Variants in CFAP58 observed in about 807,000 individuals in gnomAD.
CFAP58 encodes cilia and flagella associated protein 58.
In CFAP58, 88 loss-of-function variants were observed where a neutral mutation model predicts 119.5. The ratio of observed to expected loss-of-function variants is 0.74; its 90% confidence interval spans 0.62 to 0.88. The LOEUF is 0.88. Among genes scored for constraint, CFAP58 ranks in the 40% least tolerant of loss-of-function variants. The pLI, the probability that CFAP58 is intolerant of heterozygous loss-of-function variation, is 0.00. For missense variants in CFAP58, 990 were observed against 1,021.2 expected (o/e 0.97, Z 0.42); for synonymous variants, 365 against 366.3 (o/e 1.00, Z 0.04).
the CFAP58 span, among the ~76,000 whole-genome samples, chr10:104,348,115 T>C: frequency 6.6e-6 from 1 of 152,052 alleles, no homozygotes; most frequent in African/African-American, 2.4e-5. Flanking sequence ...GTATGTAGGG[T>C]GGCCTAGAGC....
intron 15 of CFAP58, among the ~76,000 whole-genome samples, chr10:104,407,739 C>G (rs2012387938): frequency 6.6e-6 from 1 of 152,122 alleles, no homozygotes; most frequent in Non-Finnish European, 1.5e-5. Context: ...CTCTGTTGCC[C>G]AGGCTGGAGT....
intron 2 of CFAP58, among the ~76,000 whole-genome samples, chr10:104,361,766 G>A (rs1252535523): frequency 6.6e-6 from 1 of 152,174 alleles, no homozygotes; most frequent in Non-Finnish European, 1.5e-5. Flanking sequence ...GCTCACTGCA[G>A]CCTCAAATTC....
chr10:104,444,401 T>C (rs751522571), intron 15 of CFAP58, among the ~76,000 whole-genome samples: 2 of 152,242 alleles, frequency 1.3e-5, no homozygotes, highest in Non-Finnish European at 2.9e-5. Flanking sequence ...ACAATATACA[T>C]TGGACAGCTA....
intron 15 of CFAP58, among the ~76,000 whole-genome samples, chr10:104,436,163 A>T (rs902428845): frequency 6.6e-6 from 1 of 152,246 alleles, no homozygotes; most frequent in Non-Finnish European, 1.5e-5. Flanking sequence ...TGAGTGCTGT[A>T]AGAAATATTA....
chr10:104,365,959 A>C lies in CFAP58; in HGVS notation c.743A>C (p.Lys248Thr). ...AAAGCCCTGCAGCAGTATGTGCAGA[A>C]GAGCAAGGAGGAGCTTCAGAAGCTG... is the stretch of plus-strand genomic sequence containing the variant. ...EIKALQQYVQ[K>T]SKEELQKLEQ... The change falls in exon 5 of 18, where the codon AAG becomes ACG. Residue 248 changes from lysine (K) to threonine (T), a missense_variant. Lys to Thr is a moderately conservative substitution (Grantham distance 78). Coordinates refer to ENST00000369704, the MANE Select transcript of CFAP58 (RefSeq NM_001008723.2). 3 of 1,611,096 alleles carry C rather than the reference A, an allele frequency of 1.9e-6. No homozygotes were observed. Among genetic ancestry groups the C allele is most frequent in the Non-Finnish European group, 2.5e-6 (3 of 1,178,478 alleles).
At chr10:104,383,152 C>G (rs2011851827) in intron 9 of CFAP58, among the ~76,000 whole-genome samples, 1 of 152,180 alleles carries the variant, frequency 6.6e-6, no homozygotes, top group Non-Finnish European at 1.5e-5. Context: ...ATGGCACATT[C>G]CTATTCACCC....
chr10:104,357,726 C>CATAT (rs373076175), intron 1 of CFAP58, among the ~76,000 whole-genome samples: 32 of 150,566 alleles, frequency 2.1e-4, no homozygotes, highest in African/African-American at 7.3e-4. Flanking sequence ...TATCCCAATG[C>CATAT]ATATATATAT....
At chr10:104,358,784 T>G (rs540842163) in intron 2 of CFAP58, among the ~76,000 whole-genome samples, 162 bp downstream of exon 2, 1 of 152,334 alleles carries the variant, frequency 6.6e-6, no homozygotes, top group South Asian at 2.1e-4. Context: ...AAGAAAATGA[T>G]TTTTTAGCCT....
chr10:104,434,609 A>G (rs2012900839), intron 15 of CFAP58, among the ~76,000 whole-genome samples: 1 of 152,220 alleles, frequency 6.6e-6, no homozygotes, highest in Non-Finnish European at 1.5e-5. Context: ...GATTCTAGAG[A>G]GAGAGAGTCA....
intron 1 of CFAP58, among the ~76,000 whole-genome samples, chr10:104,355,242 C>T (rs2014528292): frequency 6.6e-6 from 1 of 152,128 alleles, no homozygotes; most frequent in South Asian, 2.1e-4. Flanking sequence ...CTCTTTTCTC[C>T]CACCAGTCAT....
At chr10:104,344,860 G>A in the CFAP58 span, among the ~76,000 whole-genome samples, 1 of 152,026 alleles carries the variant, frequency 6.6e-6, no homozygotes, top group Non-Finnish European at 1.5e-5. Context: ...ATACCTAACA[G>A]GCAGAAAAGA....
In CFAP58 at chr10:104,413,869, C is replaced by T. The variant is rs530267687; in HGVS notation, c.2256+7076C>T. Reference sequence around the variant, plus strand: ...ATAGCATTGGAGTAGGAAGCTCTAACCTCTTGCTAGAGGCATTTAAAACAT... The same window carrying T: ...ATAGCATTGGAGTAGGAAGCTCTAATCTCTTGCTAGAGGCATTTAAAACAT... On this transcript the variant is annotated intron_variant, in intron 15 of 17. Coordinates refer to ENST00000369704, the MANE Select transcript of CFAP58 (RefSeq NM_001008723.2). Among the ~76,000 whole-genome samples the T allele has an allele frequency of 6.6e-5, 10 of 152,300 alleles. No individual in the cohort carries two copies. In the East Asian group the frequency reaches 1.9e-3, roughly 29 times the overall value.
At chr10:104,421,699 A>T (rs555078679) in intron 15 of CFAP58, among the ~76,000 whole-genome samples, 1 of 152,190 alleles carries the variant, frequency 6.6e-6, no homozygotes, top group African/African-American at 2.4e-5. Context: ...GCTCACTCAT[A>T]TTGCTGTGTG....
intron 11 of CFAP58, among the ~76,000 whole-genome samples, chr10:104,399,053 GA>G (rs553386224): frequency 6.6e-5 from 10 of 152,134 alleles, no homozygotes; most frequent in Non-Finnish European, 1.0e-4. Flanking sequence ...GGTAAGAGAT[GA>G]AGTGCTGCTG....
chr10:104,386,242 G>C (rs2011920729), intron 9 of CFAP58, among the ~76,000 whole-genome samples: 1 of 151,598 alleles, frequency 6.6e-6, no homozygotes, highest in South Asian at 2.1e-4. Flanking sequence ...GCTGGGAGTG[G>C]TGGTGGGCAC....
At chr10:104,433,227 A>G (rs34291743) in intron 15 of CFAP58, among the ~76,000 whole-genome samples, 6,292 of 152,262 alleles carry the variant, frequency 0.041, 175 homozygotes, top group Non-Finnish European at 0.061. Context: ...CTGAGTAGCT[A>G]CGATTGTAGG....
chr10:104,378,803 G>T (rs1376161070), intron 8 of CFAP58, among the ~76,000 whole-genome samples: 1 of 152,014 alleles, frequency 6.6e-6, no homozygotes, highest in East Asian at 1.9e-4. Context: ...GAACACTTTT[G>T]CATGAGCATG....
At chr10:104,367,498 T>C (rs1467331968) in intron 5 of CFAP58, among the ~76,000 whole-genome samples, 1 of 152,098 alleles carries the variant, frequency 6.6e-6, no homozygotes, top group Non-Finnish European at 1.5e-5. Flanking sequence ...TAATTCACAG[T>C]GTGCCGCCTC....
At chr10:104,382,121 T>C (rs1007567334) in intron 9 of CFAP58, 9 of 717,306 alleles carry the variant, frequency 1.3e-5, no homozygotes, top group African/African-American at 5.2e-5. Flanking sequence ...TCCTCTTCTT[T>C]CCAGGCTGAC....
Sources: gnomAD v4.1 joint callset for allele counts (sites outside exome capture counted in the v4.1 genomes callset) on GRCh38, gnomAD v4.1.1 for gene constraint, MANE v1.5 for transcripts, NCBI Gene and HGNC (gene_info 2026-07-23, HGNC 2026-07-21) for gene names.